MTMR3: variants seen among roughly 807,000 people sequenced by gnomAD.
MTMR3 encodes the protein myotubularin related protein 3.
In MTMR3, 32 loss-of-function variants were observed where a neutral mutation model predicts 132.4. The ratio of observed to expected loss-of-function variants is 0.24; its 90% CI spans 0.18 to 0.32. MTMR3 has a LOEUF of 0.32. Ranked by LOEUF, MTMR3 falls within the 10% of genes least tolerant of loss-of-function variation. The pLI is 1.00. For synonymous variants in MTMR3, 556 were observed against 550.3 expected (o/e 1.01, Z -0.14); for missense variants, 1,216 against 1,489.6 (o/e 0.82, Z 3.02).
At chr22:30,015,512 C>T (rs2067564681) in intron 14 of MTMR3, 1 of 133,774 alleles carries the variant, frequency 7.5e-6, no homozygotes, top group Admixed American at 7.8e-5. Context: ...CTCCCTCCCT[C>T]CTTCCCTCCC....
Position 30,017,732 on chromosome 22 carries a change from G to A in MTMR3, c.1675-195G>A, listed in dbSNP as rs2067631857. 2.0e-5 allele frequency: 11 copies of A among 540,756 alleles called. No individual in the cohort carries two copies. In the South Asian group the frequency reaches 3.2e-4, roughly 16 times the overall value. 33.5% of individuals were successfully genotyped at this position (540,756 alleles called of 1,614,324 possible). ...CTCAAGTGGCTCTTAGGTGAAAAAT[G>A]TTGGCTATATAAAATGTCTAGTCCT... On this transcript the variant is annotated intron_variant, in intron 15 of 19. Coordinates refer to ENST00000401950, the MANE Select transcript of MTMR3 (RefSeq NM_021090.4).
chr22:29,964,134 T>C (rs2066368745), intron 2 of MTMR3, among the ~76,000 whole-genome samples: 1 of 152,240 alleles, frequency 6.6e-6, no homozygotes, highest in Non-Finnish European at 1.5e-5. Flanking sequence ...TCTTATTTAC[T>C]GAGTGCATGC....
chr22:29,922,089 C>T (rs1020024117), intron 1 of MTMR3, among the ~76,000 whole-genome samples: 1 of 151,580 alleles, frequency 6.6e-6, no homozygotes, highest in Non-Finnish European at 1.5e-5. Flanking sequence ...TGCAGTGTCG[C>T]CATCTGTGCT....
intron 1 of MTMR3, among the ~76,000 whole-genome samples, chr22:29,895,911 C>A (rs888319202): frequency 1.3e-5 from 2 of 152,180 alleles, no homozygotes; most frequent in Non-Finnish European, 2.9e-5. Flanking sequence ...ACAATCCAAC[C>A]AAGAAATGGT....
At chr22:30,007,694 T>A in intron 10 of MTMR3, 1 of 605,700 alleles carries the variant, frequency 1.7e-6, no homozygotes, top group East Asian at 2.9e-5. Flanking sequence ...ACTCTGGGAG[T>A]CAGTTTTGGA....
At chr22:29,974,386 C>T (rs753342553) in intron 3 of MTMR3, among the ~76,000 whole-genome samples, 1 of 152,170 alleles carries the variant, frequency 6.6e-6, no homozygotes, top group African/African-American at 2.4e-5. Context: ...CCTAATGTTA[C>T]GTCCTTGGGG....
chr22:29,934,022 A>T (rs1197111619), intron 1 of MTMR3, among the ~76,000 whole-genome samples: 1 of 152,168 alleles, frequency 6.6e-6, no homozygotes, highest in East Asian at 1.9e-4. Flanking sequence ...TGTTTATATT[A>T]TGTATAATAT....
intron 2 of MTMR3, among the ~76,000 whole-genome samples, chr22:29,961,278 G>A (rs1265298928): frequency 1.8e-4 from 28 of 152,098 alleles, no homozygotes. Flanking sequence ...GATAAGGGTG[G>A]TTGTTGCGGC....
At chr22:30,008,988 T>A in intron 11 of MTMR3, 30 bp from the exon 12 acceptor site, 7 of 1,490,170 alleles carry the variant, frequency 4.7e-6, no homozygotes, top group Non-Finnish European at 6.6e-6. Context: ...TTCAACGTAT[T>A]TGTGTTCTCT....
chr22:29,934,925 C>G (rs543695862), intron 1 of MTMR3, among the ~76,000 whole-genome samples: 1 of 152,130 alleles, frequency 6.6e-6, no homozygotes, highest in Non-Finnish European at 1.5e-5. Flanking sequence ...AGTTTGGTTT[C>G]GCTTAACAAA....
At chr22:29,991,722 T>C in intron 7 of MTMR3, 52 bp downstream of exon 7, 7 of 1,495,522 alleles carry the variant, frequency 4.7e-6, no homozygotes, top group Non-Finnish European at 6.2e-6. Flanking sequence ...AAGCTACTGA[T>C]GGAGGTACTT....
intron 1 of MTMR3, among the ~76,000 whole-genome samples, chr22:29,949,490 T>C: frequency 7.0e-6 from 1 of 142,364 alleles, no homozygotes; most frequent in African/African-American, 2.7e-5. Context: ...AGTAAGACTC[T>C]GTCCCCCGCG....
chr22:30,028,482 CAG>C lies in MTMR3; in HGVS notation c.*2684_*2685del, dbSNP rs1569060300. ...CTTCAATACTAGTTCTTGCTCTTCA[CAG>C]AGGTAGATTTTTCTTTACCCTACAG... On this transcript the variant is annotated 3_prime_UTR_variant, in exon 20 of 20. Transcript: ENST00000401950. The C allele has an allele frequency of 6.6e-6, 1 of 152,348 alleles. No individual in the cohort carries two copies. The highest frequency in any genetic ancestry group is 2.4e-5 in the African/African-American group (1 of 41,454). 9.4% of individuals were successfully genotyped at this position (152,348 alleles called of 1,614,324 possible).
intron 7 of MTMR3, chr22:29,997,452 T>A (rs2145919290): frequency 6.6e-6 from 1 of 152,378 alleles, no homozygotes; most frequent in South Asian, 2.1e-4. Flanking sequence ...TACCACTATA[T>A]ATTAGAGGTT....
chr22:30,024,626 A>C (rs1295435752), intron 19 of MTMR3: 2 of 152,226 alleles, frequency 1.3e-5, no homozygotes, highest in Non-Finnish European at 2.9e-5. Context: ...CGAACAGCAT[A>C]AATGAAAAGT....
chr22:29,942,545 T>A (rs2065876918), intron 1 of MTMR3, among the ~76,000 whole-genome samples: 1 of 152,196 alleles, frequency 6.6e-6, no homozygotes, highest in Non-Finnish European at 1.5e-5. Context: ...CTAATAAGCC[T>A]GGGAGCACTA....
intron 16 of MTMR3, 27 bp from the exon 17 acceptor site, chr22:30,019,453 C>A: frequency 6.4e-7 from 1 of 1,566,512 alleles, no homozygotes; most frequent in South Asian, 1.1e-5. Context: ...CCAAGATTTT[C>A]ATTTCCCCCA....
chr22:29,953,614 A>C (rs1175338279), intron 1 of MTMR3, among the ~76,000 whole-genome samples: 2 of 152,190 alleles, frequency 1.3e-5, no homozygotes, highest in African/African-American at 4.8e-5. Flanking sequence ...GTATTTAATA[A>C]TTTAGTATAT....
At chr22:29,906,330 A>ATCTGTCTG (rs879820101) in intron 1 of MTMR3, among the ~76,000 whole-genome samples, 6 of 133,460 alleles carry the variant, frequency 4.5e-5, no homozygotes, top group African/African-American at 1.7e-4. Flanking sequence ...CTATCTATCT[A>ATCTGTCTG]TCTGTCTATC....
Sources: allele counts gnomAD v4.1 joint callset (sites outside exome capture counted in the v4.1 genomes callset), GRCh38; gene constraint gnomAD v4.1.1; transcripts MANE v1.5; gene names NCBI Gene and HGNC (gene_info 2026-07-23, HGNC 2026-07-21).